The following TOP1 variants were observed in gnomAD, a reference collection of about 807,000 sequenced individuals.
TOP1 encodes DNA topoisomerase I, also known as DNA topoisomerase 1.
In TOP1, 10 loss-of-function variants were observed where a neutral mutation model predicts 111.1. The observed-to-expected ratio is 0.09, with a 90% CI of 0.06 to 0.15. The LOEUF (loss-of-function observed/expected upper bound fraction) is 0.15, where lower values mean the gene tolerates loss of function less well. Among genes scored for constraint, TOP1 ranks in the 10% least tolerant of loss-of-function variants. TOP1 has a pLI of 1.00. For missense variants in TOP1, 474 were observed against 926.7 expected (o/e 0.51, Z 6.34); for synonymous variants, 271 against 302.9 (o/e 0.89, Z 1.10).
chr20:41,091,864 T>TA (rs2033924628), intron 8 of TOP1, among the ~76,000 whole-genome samples: 1 of 152,132 alleles, frequency 6.6e-6, no homozygotes, highest in Non-Finnish European at 1.5e-5. Context: ...TTTATTGTAT[T>TA]ACTCATTTTT....
Position 41,101,190 on chromosome 20 carries a change from C to T in TOP1, c.1164-19C>T, listed in dbSNP as rs759798948. On this transcript the variant is annotated intron_variant, in intron 12 of 20. Transcript: ENST00000361337. The surrounding 1 kb of genome is among the most constrained non-coding windows in gnomAD (Gnocchi z 4.1). ...TCCTCACATCTTATTTCACTATCCT[C>T]GTGCTCTGTTATTTCCAGAGATGCC... 21 of 1,613,268 alleles carry T rather than the reference C, an allele frequency of 1.3e-5. No individual in the cohort carries two copies. Among genetic ancestry groups the T allele is most frequent in the Non-Finnish European group, 1.4e-5 (16 of 1,179,284 alleles).
chr20:41,117,284 A>G (rs1200044201), intron 17 of TOP1, among the ~76,000 whole-genome samples: 3 of 115,670 alleles, frequency 2.6e-5, no homozygotes, highest in Non-Finnish European at 6.2e-5. Context: ...GTAATGAGCT[A>G]CGACCATACC....
At chr20:41,072,957 G>T (rs1207134982) in intron 3 of TOP1, 2 of 985,264 alleles carry the variant, frequency 2.0e-6, no homozygotes, top group Non-Finnish European at 1.2e-6. Context: ...TCCCATTCTG[G>T]TTTTTGTGAT....
rs562699359 is a variant in TOP1 at position 41,074,444 on chromosome 20, T to C, written c.156-1727T>C. ...GTAAATAACAGTCTAATGAGAGCAA[T>C]ATAGAGGGAGAAATATGTAAGCAAG... On this transcript the variant is annotated intron_variant, in intron 3 of 20. Coordinates refer to ENST00000361337, the MANE Select transcript of TOP1 (RefSeq NM_003286.4). Among the ~76,000 whole-genome samples the C allele has an allele frequency of 2.0e-5, 3 of 152,174 alleles. No homozygotes were observed. The South Asian group carries it at 6.2e-4, about 32-fold the overall frequency.
At position 41,103,554 on chromosome 20, in the gene TOP1, C is replaced by A. The variant is rs374001417; in HGVS notation, c.1308+2201C>A. ...TATAAATGCTGCAAAGGAAAAAGTA[C>A]AGGGTGCCATCTGAGAGTATACCAG... On this transcript the variant is annotated intron_variant, in intron 13 of 20. Coordinates refer to ENST00000361337, the MANE Select transcript of TOP1 (RefSeq NM_003286.4). Among the ~76,000 whole-genome samples, 54 of 152,246 alleles carry A rather than the reference C, an allele frequency of 3.5e-4. 1 individual carries two copies. The East Asian group carries it at 4.9e-3, about 14-fold the overall frequency.
chr20:41,099,118 T>C (rs1200285120), intron 11 of TOP1, among the ~76,000 whole-genome samples: 1 of 152,214 alleles, frequency 6.6e-6, no homozygotes, highest in Non-Finnish European at 1.5e-5. Context: ...AGTTTCAGTA[T>C]TTTAAAGGAC....
At position 41,122,829 on chromosome 20, in the gene TOP1, T is replaced by C. The variant is rs1364837134; in HGVS notation, c.2196-366T>C. Among the ~76,000 whole-genome samples, 1 of 152,174 alleles carries C rather than the reference T, an allele frequency of 6.6e-6. No individual in the cohort carries two copies. Among genetic ancestry groups the C allele is most frequent in the African/African-American group, 2.4e-5 (1 of 41,442 alleles). On this transcript the variant is annotated intron_variant, in intron 20 of 20. Transcript: ENST00000361337. The surrounding 1 kb of genome is among the most constrained non-coding windows in gnomAD (Gnocchi z 5.4). Reference sequence around the variant, plus strand: ...TTTGCCTTGTTTGGTGCTAGAGATTTGGTTAGCTCTTAAAAGGCAATATAG... The same window carrying C: ...TTTGCCTTGTTTGGTGCTAGAGATTCGGTTAGCTCTTAAAAGGCAATATAG...
chr20:41,072,988 G>A lies in TOP1; in HGVS notation c.156-3183G>A, dbSNP rs148968588. The A allele has an allele frequency of 2.4e-4, 234 of 985,392 alleles. 1 individual carries two copies. In the African/African-American group the frequency reaches 3.6e-3, roughly 15 times the overall value. 61.0% of individuals were successfully genotyped at this position (985,392 alleles called of 1,614,324 possible). A position where few individuals can be genotyped will look rare whatever the true frequency, so the allele number is the denominator to read the frequency against. ...GTGATTAATTGTGACCTACAAAGGG[G>A]TTTACTACTCTAGCAGGAACTTTGA... On this transcript the variant is annotated intron_variant, in intron 3 of 20. Transcript: ENST00000361337.
Position 41,061,588 on chromosome 20 carries a change from A to G in TOP1, c.155+98A>G. ...GTCTTAACTTGAGCTACATGTAAAG[A>G]TAGCAAAGTAAGTAGAAACTGTATT... is the stretch of plus-strand genomic sequence containing the variant. On this transcript the variant is annotated intron_variant, in intron 3 of 20. Coordinates refer to ENST00000361337, the MANE Select transcript of TOP1 (RefSeq NM_003286.4). This position sits in a 1 kb window ranked among gnomAD's most constrained non-coding sequence, Gnocchi z 4.6. 5.9e-6 allele frequency: 6 copies of G among 1,022,382 alleles called. No individual in the cohort carries two copies. The highest frequency in any genetic ancestry group is 1.6e-5 in the South Asian group (1 of 63,170). 63.3% of individuals were successfully genotyped at this position (1,022,382 alleles called of 1,614,324 possible).
rs931117324 is a variant in TOP1, at chr20:41,101,426, G to A, written c.1308+73G>A. 3.1e-5 allele frequency: 45 copies of A among 1,459,886 alleles called. No homozygotes were observed. Among genetic ancestry groups the A allele is most frequent in the Non-Finnish European group, 3.9e-5 (42 of 1,074,642 alleles). The allele number at this position is 1,459,886 out of a possible 1,614,324, so 90.4% of individuals were successfully genotyped here. A position where few individuals can be genotyped will look rare whatever the true frequency, so the allele number is the denominator to read the frequency against. ...TTTTTTGTTGAAATGTAACGTTCTC[G>A]TCCTCTAGAATCACTTTGACAAATT... On this transcript the variant is annotated intron_variant, in intron 13 of 20. Transcript: ENST00000361337. The surrounding 1 kb of genome is among the most constrained non-coding windows in gnomAD (Gnocchi z 4.1).
At chr20:41,049,154 A>G (rs912932827) in intron 2 of TOP1, among the ~76,000 whole-genome samples, 5 of 152,212 alleles carry the variant, frequency 3.3e-5, no homozygotes, top group Non-Finnish European at 7.3e-5. Context: ...TTTCCATGGC[A>G]AAGCCTTTAA....
At position 41,055,685 on chromosome 20, in the gene TOP1, T is replaced by C. The variant is rs56808265; in HGVS notation, c.59-5709T>C. 7.1e-3 allele frequency among the ~76,000 whole-genome samples: 1,086 copies of C among 152,328 alleles called. 13 individuals carry two copies. The highest frequency in any genetic ancestry group is 0.026 in the East Asian group (136 of 5,180). The stretch of plus-strand genomic sequence containing the variant: ...TTCTCTGACTCTTTATTACACTGCA[T>C]TTATTACACATAGTAGTGAGTTCCT... On this transcript the variant is annotated intron_variant, in intron 2 of 20. Coordinates refer to ENST00000361337, the MANE Select transcript of TOP1 (RefSeq NM_003286.4).
chr20:41,028,844 C>T lies in TOP1; in HGVS notation c.-224C>T. 3.8e-6 allele frequency: 2 copies of T among 531,552 alleles called. No individual in the cohort carries two copies. Among genetic ancestry groups the T allele is most frequent in the Non-Finnish European group, 3.3e-6 (1 of 302,234 alleles). 32.9% of individuals were successfully genotyped at this position (531,552 alleles called of 1,614,324 possible). A position where few individuals can be genotyped will look rare whatever the true frequency, so the allele number is the denominator to read the frequency against. Reference sequence around the variant, plus strand: ...GCCCAAATGCGAACTTAGGCTGTTACACAACTGCTGGGGTCTGTTCTCGCC... The same window carrying T: ...GCCCAAATGCGAACTTAGGCTGTTATACAACTGCTGGGGTCTGTTCTCGCC... On this transcript the variant is annotated 5_prime_UTR_variant, in exon 1 of 21. Transcript: ENST00000361337.
chr20:41,097,399 AATAAATT>A lies in TOP1; in HGVS notation c.852+61_852+67del. 6.8e-7 allele frequency: 1 copy of A among 1,479,338 alleles called. No individual in the cohort carries two copies. The highest frequency in any genetic ancestry group is 2.4e-5 in the East Asian group (1 of 41,806). The allele number at this position is 1,479,338 out of a possible 1,614,324, so 91.6% of individuals were successfully genotyped here. On this transcript the variant is annotated intron_variant, in intron 10 of 20. Coordinates refer to ENST00000361337, the MANE Select transcript of TOP1 (RefSeq NM_003286.4). The surrounding 1 kb of genome is among the most constrained non-coding windows in gnomAD (Gnocchi z 4.2). The stretch of plus-strand genomic sequence containing the variant: ...CTTGCAAAACAATCAAGTACTAAGT[AATAAATT>A]ATCATTTTGCAAAACATTTCCTGAT...
intron 9 of TOP1, among the ~76,000 whole-genome samples, chr20:41,093,082 T>C (rs997057771): frequency 6.6e-6 from 1 of 152,180 alleles, no homozygotes; most frequent in African/African-American, 2.4e-5. Context: ...CTGTGTAGCA[T>C]AACACTATGC....
intron 2 of TOP1, among the ~76,000 whole-genome samples, chr20:41,045,812 G>A (rs2033326621): frequency 6.6e-6 from 1 of 152,216 alleles, no homozygotes; most frequent in Admixed American, 6.5e-5. Flanking sequence ...GCTAATTCAT[G>A]CAAGGTGTTG....
chr20:41,077,809 C>T (rs1473151217), intron 5 of TOP1, among the ~76,000 whole-genome samples, 172 bp downstream of exon 5: 1 of 152,170 alleles, frequency 6.6e-6, no homozygotes, highest in Non-Finnish European at 1.5e-5. Context: ...AGCCTTTCTA[C>T]AGTGCCATAT....
chr20:41,109,105 C>G lies in TOP1; in HGVS notation c.1309-3677C>G, dbSNP rs748707691. ...TTTTTTCTCTTTAGAGTCTAGAATT[C>G]TGTGGGGTTCCAAAAATGTATGTGC... is the stretch of plus-strand genomic sequence containing the variant. On this transcript the variant is annotated intron_variant, in intron 13 of 20. Transcript: ENST00000361337. The surrounding 1 kb of genome is among the most constrained non-coding windows in gnomAD (Gnocchi z 4.1). Among the ~76,000 whole-genome samples the G allele has an allele frequency of 1.3e-5, 2 of 152,182 alleles. No individual in the cohort carries two copies. Among genetic ancestry groups the G allele is most frequent in the Non-Finnish European group, 2.9e-5 (2 of 68,034 alleles).
At chr20:41,117,030 G>C (rs755920650) in intron 17 of TOP1, among the ~76,000 whole-genome samples, 20 of 152,088 alleles carry the variant, frequency 1.3e-4, no homozygotes, top group Non-Finnish European at 4.4e-5. Context: ...AATTTTTTTG[G>C]ATGGCATTTT....
Sources: allele counts gnomAD v4.1 joint callset (sites outside exome capture counted in the v4.1 genomes callset), GRCh38; gene constraint gnomAD v4.1.1; non-coding constraint Gnocchi (gnomAD v3.1); transcripts MANE v1.5; gene names NCBI Gene and HGNC (gene_info 2026-07-23, HGNC 2026-07-21).